KLHL3: variants seen among roughly 807,000 people sequenced by gnomAD.
The protein encoded by KLHL3 is kelch-like protein 3.
A neutral mutation model predicts 70.5 loss-of-function variants in KLHL3; 19 were observed. That is an observed-to-expected ratio of 0.27 (90% CI 0.19 to 0.40). The LOEUF (loss-of-function observed/expected upper bound fraction) is 0.40, where lower values mean the gene tolerates loss of function less well. KLHL3 is among the 10% of genes least tolerant of loss of function. KLHL3 has a pLI of 1.00. For synonymous variants in KLHL3, 258 were observed against 290.3 expected (o/e 0.89, Z 1.13); for missense variants, 512 against 771.1 (o/e 0.66, Z 3.98).
At chr5:137,686,214 C>T (rs1379342197) in intron 5 of KLHL3, among the ~76,000 whole-genome samples, 1 of 152,152 alleles carries the variant, frequency 6.6e-6, no homozygotes, top group Non-Finnish European at 1.5e-5. Context: ...TCCTTCCTCC[C>T]CAAAAGTGCA....
chr5:137,627,474 A>ACCCCCC lies in KLHL3; in HGVS notation c.1591+822_1591+823insGGGGGG, dbSNP rs1215063936. ...GGCAATGAGTAAATTAGTAAATATC[A>ACCCCCC]CCACCCCCCCCCCCGGTTTACACTT... On this transcript the variant is annotated intron_variant, in intron 13 of 14. Transcript: ENST00000309755. Among the ~76,000 whole-genome samples the ACCCCCC allele has an allele frequency of 2.0e-3, 106 of 53,084 alleles. 37 individuals are homozygous for ACCCCCC. The highest frequency in any genetic ancestry group is 3.4e-3 in the Non-Finnish European group (78 of 22,942). The allele number at this position is 53,084 out of a possible 152,430, so 34.8% of individuals were successfully genotyped here.
intron 1 of KLHL3, 22 bp downstream of exon 1, chr5:137,735,611 G>T: frequency 6.3e-7 from 1 of 1,575,958 alleles, no homozygotes; most frequent in Non-Finnish European, 8.7e-7. Flanking sequence ...ACACAACACA[G>T]CACACACTTA....
Position 137,619,941 on chromosome 5 carries a change from T to C in KLHL3, c.*2157A>G, listed in dbSNP as rs1756348215. ...CAGGGAATTCACCTATCATCTGAAATTGAGAGCTTCTGTGAATGGCATACA... is the reference window on the plus strand; with the variant it reads ...CAGGGAATTCACCTATCATCTGAAACTGAGAGCTTCTGTGAATGGCATACA... On this transcript the variant is annotated 3_prime_UTR_variant, in exon 15 of 15. Transcript: ENST00000309755. 1 of 152,170 alleles carries C rather than the reference T, an allele frequency of 6.6e-6. No homozygotes were observed. Among genetic ancestry groups the C allele is most frequent in the Non-Finnish European group, 1.5e-5 (1 of 68,036 alleles). The allele number at this position is 152,170 out of a possible 1,614,324, so 9.4% of individuals were successfully genotyped here. A position where few individuals can be genotyped will look rare whatever the true frequency, so the allele number is the denominator to read the frequency against.
At chr5:137,713,043 T>A (rs1032518814) in intron 2 of KLHL3, among the ~76,000 whole-genome samples, 2 of 151,436 alleles carry the variant, frequency 1.3e-5, no homozygotes, top group African/African-American at 4.9e-5. Flanking sequence ...ATGTTAAGTT[T>A]GAGCTGCCCA....
intron 1 of KLHL3, among the ~76,000 whole-genome samples, chr5:137,728,739 T>C (rs1219405648): frequency 6.6e-6 from 1 of 152,042 alleles, no homozygotes; most frequent in East Asian, 1.9e-4. Flanking sequence ...TGTGCAGCAA[T>C]GTTTGGGGGA....
intron 2 of KLHL3, 146 bp from the exon 3 acceptor site, chr5:137,710,002 G>T (rs545448484): frequency 3.0e-6 from 2 of 668,780 alleles, no homozygotes; most frequent in Admixed American, 4.4e-5. Flanking sequence ...GAGTTAGGGA[G>T]GGGGGTGGAT....
chr5:137,677,326 T>C (rs952277886), intron 6 of KLHL3: 3 of 378,556 alleles, frequency 7.9e-6, no homozygotes, highest in African/African-American at 6.3e-5. Flanking sequence ...CGGGTGCCTA[T>C]AATCCCAGCT....
intron 14 of KLHL3, 121 bp from the exon 15 acceptor site, chr5:137,622,247 T>A (rs1224335272): frequency 1.7e-6 from 2 of 1,200,264 alleles, no homozygotes; most frequent in Non-Finnish European, 2.4e-6. Flanking sequence ...GCAATTTTTA[T>A]CCTAATATTG....
At chr5:137,656,076 A>T (rs1751336833) in intron 8 of KLHL3, among the ~76,000 whole-genome samples, 1 of 151,944 alleles carries the variant, frequency 6.6e-6, no homozygotes, top group African/African-American at 2.4e-5. Flanking sequence ...ATGAACAGAG[A>T]ATTCTCCAAA....
chr5:137,735,431 A>T (rs566167992), intron 1 of KLHL3, among the ~76,000 whole-genome samples: 6 of 152,194 alleles, frequency 3.9e-5, no homozygotes, highest in Admixed American at 6.5e-5. Context: ...TGCGGAAGCC[A>T]GATCTCTGGA....
chr5:137,647,274 G>A (rs1206059931), intron 8 of KLHL3, among the ~76,000 whole-genome samples: 1 of 152,230 alleles, frequency 6.6e-6, no homozygotes, highest in African/African-American at 2.4e-5. Flanking sequence ...TTCTACCAGC[G>A]TGACTGTGGG....
intron 6 of KLHL3, among the ~76,000 whole-genome samples, chr5:137,673,358 G>A (rs1326248041): frequency 1.3e-5 from 2 of 152,138 alleles, no homozygotes; most frequent in Admixed American, 6.5e-5. Flanking sequence ...CGCTGCCTCC[G>A]GGCCTCTTCT....
intron 1 of KLHL3, among the ~76,000 whole-genome samples, chr5:137,729,750 T>C (rs1231667708): frequency 6.6e-6 from 1 of 152,174 alleles, no homozygotes; most frequent in East Asian, 1.9e-4. Context: ...ACTGCAGATC[T>C]AGTAAGTATC....
Position 137,691,208 on chromosome 5 carries a change from C to G in KLHL3, c.526+1077G>C, listed in dbSNP as rs1254678231. Among the ~76,000 whole-genome samples the G allele has an allele frequency of 3.3e-5, 5 of 152,120 alleles. No homozygotes were observed. In the East Asian group the frequency reaches 9.6e-4, roughly 29 times the overall value. ...CAAGAATTAGTGGTAGAACCATACA[C>G]TATGCAAGAGAAAAAGACAATTATT... On this transcript the variant is annotated intron_variant, in intron 5 of 14. Coordinates refer to ENST00000309755, the MANE Select transcript of KLHL3 (RefSeq NM_017415.3).
chr5:137,642,514 G>A (rs1173965648), intron 8 of KLHL3, among the ~76,000 whole-genome samples: 1 of 152,214 alleles, frequency 6.6e-6, no homozygotes, highest in Non-Finnish European at 1.5e-5. Context: ...TGCCCAGGCA[G>A]AAAACGTATC....
chr5:137,726,807 C>A (rs964318130), intron 1 of KLHL3, among the ~76,000 whole-genome samples: 5 of 152,152 alleles, frequency 3.3e-5, no homozygotes, highest in Admixed American at 6.5e-5. Context: ...CTTGTCTTTA[C>A]AAGCGTTAGA....
At chr5:137,650,388 A>G (rs1378780749) in intron 8 of KLHL3, among the ~76,000 whole-genome samples, 1 of 152,058 alleles carries the variant, frequency 6.6e-6, no homozygotes, top group Non-Finnish European at 1.5e-5. Flanking sequence ...TCCTTTCACA[A>G]CTGTTTCCCC....
chr5:137,735,959 C>T lies in KLHL3; in HGVS notation c.-313G>A. ...TTGCTGCTCCTTGGTCTCCTAGGAA[C>T]GGCGGCAGCTCCAGCGACCCAGGTG... On this transcript the variant is annotated 5_prime_UTR_variant, in exon 1 of 15. Coordinates refer to ENST00000309755, the MANE Select transcript of KLHL3 (RefSeq NM_017415.3). The T allele has an allele frequency of 2.1e-6, 1 of 465,314 alleles. No individual in the cohort carries two copies. The highest frequency in any genetic ancestry group is 4.0e-6 in the Non-Finnish European group (1 of 251,036). 28.8% of individuals were successfully genotyped at this position (465,314 alleles called of 1,614,324 possible).
At chr5:137,700,718 A>G (rs1397698280) in intron 3 of KLHL3, among the ~76,000 whole-genome samples, 1 of 152,162 alleles carries the variant, frequency 6.6e-6, no homozygotes, top group African/African-American at 2.4e-5. Context: ...TATATTAAGT[A>G]CTTAAAACTT....
Sources: allele counts gnomAD v4.1 joint callset (sites outside exome capture counted in the v4.1 genomes callset), GRCh38; gene constraint gnomAD v4.1.1; transcripts MANE v1.5; gene names NCBI Gene and HGNC (gene_info 2026-07-23, HGNC 2026-07-21).